SLC35D1: variants seen among roughly 807,000 people sequenced by gnomAD.
SLC35D1 encodes the protein solute carrier family 35 member D1, also known as nucleotide sugar transporter SLC35D1.
A neutral mutation model predicts 46.7 loss-of-function variants in SLC35D1; 31 were observed. The observed-to-expected ratio is 0.66, with a 90% CI of 0.50 to 0.90. SLC35D1 has a LOEUF of 0.90. SLC35D1 is among the 40% of genes least tolerant of loss of function. The pLI is 0.00. For missense variants in SLC35D1, 397 were observed against 426.2 expected (o/e 0.93, Z 0.60); for synonymous variants, 195 against 164.6 (o/e 1.18, Z -1.41).
intron 8 of SLC35D1, among the ~76,000 whole-genome samples, chr1:67,029,314 T>C (rs1268418273): frequency 6.6e-6 from 1 of 152,228 alleles, no homozygotes; most frequent in Non-Finnish European, 1.5e-5. Context: ...ATCCATGGTA[T>C]TTAACAAAGT....
chr1:66,998,148 A>G (rs1667263628), downstream of SLC35D1, among the ~76,000 whole-genome samples: 1 of 152,176 alleles, frequency 6.6e-6, no homozygotes, highest in South Asian at 2.1e-4. Flanking sequence ...TAGAATTACC[A>G]TATGATACAG....
At position 67,002,918 on chromosome 1, in the gene SLC35D1, G is replaced by A. The variant is rs1667370755; in HGVS notation, c.*1422C>T. 6.6e-6 allele frequency: 1 copy of A among 152,344 alleles called. No homozygotes were observed. Among genetic ancestry groups the A allele is most frequent in the African/African-American group, 2.4e-5 (1 of 41,456 alleles). 9.4% of individuals were successfully genotyped at this position (152,344 alleles called of 1,614,324 possible). A position where few individuals can be genotyped will look rare whatever the true frequency, so the allele number is the denominator to read the frequency against. ...TCTCTGAGTCAAGTCATAGGGTTAT[G>A]TTTGAGTTAACACCTCCACCCTCCA... On this transcript the variant is annotated 3_prime_UTR_variant, in exon 12 of 12. Coordinates refer to ENST00000235345, the MANE Select transcript of SLC35D1 (RefSeq NM_015139.3).
chr1:66,978,937 T>C, the SLC35D1 span, among the ~76,000 whole-genome samples: 1 of 152,202 alleles, frequency 6.6e-6, no homozygotes, highest in Non-Finnish European at 1.5e-5. Flanking sequence ...TTAATGACTC[T>C]TAAGGTTAAA....
chr1:67,049,020 C>T (rs56974914), intron 6 of SLC35D1, among the ~76,000 whole-genome samples: 23,808 of 152,152 alleles, frequency 0.16, 3,941 homozygotes, highest in African/African-American at 0.42. Context: ...CCAGGCCAGG[C>T]GCGGTGGCTC....
intron 8 of SLC35D1, among the ~76,000 whole-genome samples, chr1:67,033,086 T>TA (rs1009156749): frequency 3.3e-5 from 5 of 152,222 alleles, no homozygotes; most frequent in African/African-American, 9.6e-5. Context: ...TCCTTTTTTT[T>TA]ATGGCTGAAT....
downstream of SLC35D1, among the ~76,000 whole-genome samples, chr1:66,995,158 T>C (rs1667224729): frequency 6.6e-6 from 1 of 152,060 alleles, no homozygotes; most frequent in South Asian, 2.1e-4. Context: ...GCAATCCCAG[T>C]GATCCTGTCA....
chr1:66,982,929 T>G, the SLC35D1 span, among the ~76,000 whole-genome samples: 1 of 152,230 alleles, frequency 6.6e-6, no homozygotes, highest in Non-Finnish European at 1.5e-5. Flanking sequence ...ATGCTGAGAC[T>G]CTGACCTTGG....
Position 67,020,373 on chromosome 1 carries a change from A to T in SLC35D1, c.872T>A (p.Ile291Asn), listed in dbSNP as rs1010475909. 4 of 1,596,852 alleles carry T rather than the reference A, an allele frequency of 2.5e-6. No homozygotes were observed. In the African/African-American group the frequency reaches 4.0e-5, roughly 16 times the overall value. The change falls in exon 10 of 12, where the codon ATT becomes AAT. Residue 291 changes from isoleucine (I) to asparagine (N), a missense_variant. Transcript: ENST00000235345. ...SALTTTIVGC[I>N]KNILITYIGM... is the part of the protein sequence containing the mutation. The stretch of plus-strand genomic sequence containing the variant: ...TAACAGTATTTTTCTACTTACCTTA[A>T]TACAGCCAACTATTGTAGTTGTAAG...
Position 67,000,345 on chromosome 1 carries a change from C to T in SLC35D1, c.*3995G>A, listed in dbSNP as rs539311583. 1 of 144,360 alleles carries T rather than the reference C, an allele frequency of 6.9e-6. No individual in the cohort carries two copies. The highest frequency in any genetic ancestry group is 1.5e-5 in the Non-Finnish European group (1 of 66,138). 8.9% of individuals were successfully genotyped at this position (144,360 alleles called of 1,614,324 possible). A position where few individuals can be genotyped will look rare whatever the true frequency, so the allele number is the denominator to read the frequency against. ...GAGTAGGGGGAAGAAAATAATTTTC[C>T]TTTATTAAAATGTACTGTCACAATA... is the stretch of plus-strand genomic sequence containing the variant. On this transcript the variant is annotated 3_prime_UTR_variant, in exon 12 of 12. Coordinates refer to ENST00000235345, the MANE Select transcript of SLC35D1 (RefSeq NM_015139.3).
intron 8 of SLC35D1, among the ~76,000 whole-genome samples, chr1:67,036,951 T>C (rs1668135757): frequency 6.6e-6 from 1 of 152,096 alleles, no homozygotes; most frequent in African/African-American, 2.4e-5. Flanking sequence ...CTATCTGTTG[T>C]ATGCTTTTTT....
the SLC35D1 span, chr1:66,986,372 A>G: frequency 3.1e-6 from 5 of 1,601,218 alleles, no homozygotes; most frequent in Non-Finnish European, 4.3e-6. Context: ...ACTTTTATAA[A>G]ATATTAATTA....
At chr1:66,990,320 G>A in the SLC35D1 span, among the ~76,000 whole-genome samples, 7 of 152,120 alleles carry the variant, frequency 4.6e-5, no homozygotes, top group African/African-American at 1.7e-4. Flanking sequence ...TGTTGCCCAT[G>A]CTGGAGTGCA....
intron 9 of SLC35D1, among the ~76,000 whole-genome samples, chr1:67,021,240 C>CTG (rs1407852253): frequency 6.6e-6 from 1 of 152,184 alleles, no homozygotes; most frequent in African/African-American, 2.4e-5. Flanking sequence ...AAAGTTCTAT[C>CTG]TGTCAAATGG....
rs775349263 is a variant in SLC35D1 at position 67,004,416 on chromosome 1, G to A, written c.992C>T (p.Thr331Ile). The A allele has an allele frequency of 8.1e-6, 13 of 1,613,918 alleles. No individual in the cohort carries two copies. The highest frequency in any genetic ancestry group is 1.1e-5 in the Non-Finnish European group (13 of 1,179,954). ...TTTGCTCAGCTGCTCTTCAGTGAAA[G>A]TGATATAGGAATATACCAGGCTCCC... is the stretch of plus-strand genomic sequence containing the variant. ...IAGSLVYSYI[T>I]FTEEQLSKQS... is the part of the protein sequence containing the mutation. The change falls in exon 12 of 12, where the codon ACT becomes ATT. Residue 331 changes from threonine (T) to isoleucine (I), a missense_variant. Physicochemically the swap from Thr to Ile is moderately conservative, Grantham distance 89 (BLOSUM62 -1). Coordinates refer to ENST00000235345, the MANE Select transcript of SLC35D1 (RefSeq NM_015139.3).
At chr1:67,040,655 G>A (rs1456477885) in intron 8 of SLC35D1, among the ~76,000 whole-genome samples, 1 of 152,086 alleles carries the variant, frequency 6.6e-6, no homozygotes, top group Non-Finnish European at 1.5e-5. Flanking sequence ...GGCCCACTTT[G>A]ACTTTTCCTG....
chr1:67,004,073 G>A lies in SLC35D1; in HGVS notation c.*267C>T, dbSNP rs753473764. The A allele has an allele frequency of 1.0e-4, 38 of 377,944 alleles. No homozygotes were observed. Among genetic ancestry groups the A allele is most frequent in the East Asian group, 2.3e-4 (4 of 17,766 alleles). The allele number at this position is 377,944 out of a possible 1,614,324, so 23.4% of individuals were successfully genotyped here. On this transcript the variant is annotated 3_prime_UTR_variant, in exon 12 of 12. Coordinates refer to ENST00000235345, the MANE Select transcript of SLC35D1 (RefSeq NM_015139.3). ...TTCAAAACACTGATGTTTCACTGTC[G>A]GCATATAAGAAAAATAAATTAAAAA...
intron 8 of SLC35D1, among the ~76,000 whole-genome samples, chr1:67,034,907 T>C (rs78699338): frequency 7.9e-5 from 12 of 152,282 alleles, no homozygotes; most frequent in African/African-American, 2.6e-4. Flanking sequence ...TTTTCCACCA[T>C]CAATCAATCG....
chr1:67,022,271 G>A (rs952539973), intron 8 of SLC35D1, among the ~76,000 whole-genome samples: 3 of 152,200 alleles, frequency 2.0e-5, no homozygotes, highest in African/African-American at 7.2e-5. Context: ...AGTTTGATAA[G>A]CAAATGTGAC....
At chr1:67,021,464 A>T in intron 9 of SLC35D1, 71 bp downstream of exon 9, 1 of 1,484,598 alleles carries the variant, frequency 6.7e-7, no homozygotes, top group Non-Finnish European at 9.4e-7. Flanking sequence ...ATATTGAGAA[A>T]AGAGGCATGC....
Sources: allele counts gnomAD v4.1 joint callset (sites outside exome capture counted in the v4.1 genomes callset), GRCh38; gene constraint gnomAD v4.1.1; transcripts MANE v1.5; gene names NCBI Gene and HGNC (gene_info 2026-07-23, HGNC 2026-07-21).